Variants in FHIT observed in about 807,000 individuals in gnomAD.
The protein encoded by FHIT is bis(5'-adenosyl)-triphosphatase.
In FHIT, 19 loss-of-function variants were observed where a neutral mutation model predicts 17.9. The ratio of observed to expected loss-of-function variants is 1.06; its 90% CI spans 0.74 to 1.56. FHIT has a LOEUF of 1.56. FHIT is among the 40% of genes most tolerant of loss of function. FHIT has a pLI of 0.00. For missense variants in FHIT, 248 were observed against 189.2 expected (o/e 1.31, Z -1.82); for synonymous variants, 81 against 69.7 (o/e 1.16, Z -0.81).
chr3:61,044,614 A>C (rs1418827037), intron 2 of FHIT, among the ~76,000 whole-genome samples: 1 of 152,114 alleles, frequency 6.6e-6, no homozygotes, highest in East Asian at 1.9e-4. Flanking sequence ...CAAAATTCAA[A>C]TTCAGGAAAT....
At chr3:60,965,911 G>C (rs998246270) in intron 3 of FHIT, among the ~76,000 whole-genome samples, 1 of 152,200 alleles carries the variant, frequency 6.6e-6, no homozygotes, top group Non-Finnish European at 1.5e-5. Context: ...GAGGCATTCT[G>C]TCCGTTCTCA....
chr3:60,440,752 A>G (rs1035203067), intron 5 of FHIT, among the ~76,000 whole-genome samples: 3 of 152,074 alleles, frequency 2.0e-5, no homozygotes, highest in African/African-American at 7.2e-5. Flanking sequence ...GGGGCAATAA[A>G]TCTCTGGAAT....
At chr3:60,726,917 G>A (rs1230415252) in intron 4 of FHIT, among the ~76,000 whole-genome samples, 1 of 152,172 alleles carries the variant, frequency 6.6e-6, no homozygotes, top group East Asian at 1.9e-4. Flanking sequence ...TAAGGGTTAA[G>A]CATGGCTAAC....
chr3:60,983,480 G>T (rs959398579), intron 3 of FHIT, among the ~76,000 whole-genome samples: 5 of 152,142 alleles, frequency 3.3e-5, no homozygotes, highest in Non-Finnish European at 5.9e-5. Flanking sequence ...TTGCACATAC[G>T]TGGGAGCTGA....
chr3:60,514,619 T>C (rs1041607244), intron 5 of FHIT, among the ~76,000 whole-genome samples: 1 of 152,144 alleles, frequency 6.6e-6, no homozygotes, highest in Non-Finnish European at 1.5e-5. Context: ...AACCCACACA[T>C]GCTGCACATG....
chr3:61,189,855 T>C (rs111917598), intron 2 of FHIT, among the ~76,000 whole-genome samples: 2 of 152,150 alleles, frequency 1.3e-5, no homozygotes, highest in Admixed American at 6.5e-5. Flanking sequence ...ATTTAATAAA[T>C]GGTGCTGGGA....
intron 2 of FHIT, among the ~76,000 whole-genome samples, chr3:61,103,672 T>G (rs905759635): frequency 2.3e-4 from 35 of 152,288 alleles, no homozygotes; most frequent in African/African-American, 8.2e-4. Context: ...TCTCCCAGTC[T>G]TATTGTGTGG....
At chr3:60,949,142 C>T (rs1284187692) in intron 3 of FHIT, among the ~76,000 whole-genome samples, 3 of 152,208 alleles carry the variant, frequency 2.0e-5, no homozygotes, top group Admixed American at 6.5e-5. Context: ...AGTTCCGGAA[C>T]TCTCTGCCCT....
intron 5 of FHIT, among the ~76,000 whole-genome samples, chr3:60,150,355 T>G (rs1490000037): frequency 6.6e-6 from 1 of 152,262 alleles, no homozygotes; most frequent in Admixed American, 6.5e-5. Flanking sequence ...TCCTTGGGTA[T>G]AAAATATATT....
At chr3:60,406,261 A>G (rs983471242) in intron 5 of FHIT, among the ~76,000 whole-genome samples, 4 of 152,224 alleles carry the variant, frequency 2.6e-5, no homozygotes, top group Non-Finnish European at 4.4e-5. Flanking sequence ...GCACAATACT[A>G]AAAACAATAA....
At chr3:59,877,344 G>A (rs1260115413) in intron 8 of FHIT, among the ~76,000 whole-genome samples, 1 of 152,214 alleles carries the variant, frequency 6.6e-6, no homozygotes, top group Non-Finnish European at 1.5e-5. Context: ...ATAAATGACT[G>A]TGTAGAGTTG....
intron 5 of FHIT, among the ~76,000 whole-genome samples, chr3:60,271,415 A>G (rs12330818): frequency 1.5e-3 from 221 of 152,288 alleles, no homozygotes; most frequent in African/African-American, 4.7e-3. Flanking sequence ...AAAAAATAAT[A>G]AAATAAAATA....
At chr3:59,920,096 C>T (rs542865896) in intron 8 of FHIT, among the ~76,000 whole-genome samples, 2 of 152,172 alleles carry the variant, frequency 1.3e-5, no homozygotes, top group Non-Finnish European at 2.9e-5. Flanking sequence ...TCTCTATTTA[C>T]TAACCATTGC....
At chr3:60,914,580 G>A (rs1166685690) in intron 3 of FHIT, among the ~76,000 whole-genome samples, 1 of 152,034 alleles carries the variant, frequency 6.6e-6, no homozygotes, top group African/African-American at 2.4e-5. Context: ...CAAGGGAATG[G>A]GGTCATAGGG....
intron 8 of FHIT, among the ~76,000 whole-genome samples, chr3:59,821,777 T>G (rs1236701658): frequency 6.6e-6 from 1 of 152,116 alleles, no homozygotes; most frequent in Non-Finnish European, 1.5e-5. Flanking sequence ...ATAAATGATC[T>G]GCATTTAGTG....
chr3:60,305,308 G>A (rs1708622360), intron 5 of FHIT, among the ~76,000 whole-genome samples: 1 of 152,098 alleles, frequency 6.6e-6, no homozygotes, highest in Non-Finnish European at 1.5e-5. Context: ...CATGGCAAGA[G>A]CATACACTGA....
In FHIT at chr3:59,868,699, T is replaced by A. The variant is rs536177078; in HGVS notation, c.348+53647A>T. On this transcript the variant is annotated intron_variant, in intron 8 of 9. Coordinates refer to ENST00000492590, the MANE Select transcript of FHIT (RefSeq NM_002012.4). ...TCAAAATGCTTAGATGCCCTCTCCATCGATTTGCTTCTCTGGGTATTGGGC... is the reference window on the plus strand; with the variant it reads ...TCAAAATGCTTAGATGCCCTCTCCAACGATTTGCTTCTCTGGGTATTGGGC... 6.6e-5 allele frequency among the ~76,000 whole-genome samples: 10 copies of A among 152,330 alleles called. No homozygotes were observed. In the South Asian group the frequency reaches 1.9e-3, roughly 28 times the overall value.
At chr3:60,737,961 G>A (rs367883792) in intron 4 of FHIT, among the ~76,000 whole-genome samples, 32 of 152,066 alleles carry the variant, frequency 2.1e-4, no homozygotes, top group Non-Finnish European at 3.7e-4. Flanking sequence ...TATGAACCTC[G>A]GCTAAAGGAG....
intron 5 of FHIT, among the ~76,000 whole-genome samples, chr3:60,340,555 T>C (rs748031424): frequency 6.6e-6 from 1 of 152,182 alleles, no homozygotes; most frequent in Non-Finnish European, 1.5e-5. Context: ...GTTAGAAAGA[T>C]TAAATATACA....
Sources: gnomAD v4.1 joint callset for allele counts (sites outside exome capture counted in the v4.1 genomes callset) on GRCh38, gnomAD v4.1.1 for gene constraint, MANE v1.5 for transcripts, NCBI Gene and HGNC (gene_info 2026-07-23, HGNC 2026-07-21) for gene names.